The following FOXP3 variants were observed in gnomAD, a reference collection of about 807,000 sequenced individuals.
FOXP3 encodes forkhead box P3.
Under a neutral mutation model 31.2 loss-of-function variants are expected in FOXP3, and 5 were observed. The observed-to-expected ratio is 0.16, with a 90% CI of 0.08 to 0.34. The LOEUF (loss-of-function observed/expected upper bound fraction) is 0.34, where lower values mean the gene tolerates loss of function less well. Among genes scored for constraint, FOXP3 ranks in the 10% least tolerant of loss-of-function variants. The pLI is 1.00. For missense variants in FOXP3, 251 were observed against 363.0 expected (o/e 0.69, Z 2.51); for synonymous variants, 141 against 148.8 (o/e 0.95, Z 0.38).
rs1338368581 is a variant in FOXP3, at chrX:49,260,689, C to T, written c.-22-2162G>A. Among the ~76,000 whole-genome samples the T allele has an allele frequency of 2.7e-5, 3 of 112,702 alleles. No homozygotes were observed. The East Asian group carries it at 8.3e-4, about 31-fold the overall frequency. On this transcript the variant is annotated intron_variant, in intron 1 of 11. Transcript: ENST00000376207. ...CCTTTCTGACTGGGTTTCTCAGAAG[C>T]TGAATGGGGGATGTTTCTGGGACAC...
intron 10 of FOXP3, among the ~76,000 whole-genome samples, chrX:49,252,705 G>A (rs2066041937): frequency 9.1e-6 from 1 of 109,464 alleles, no homozygotes; most frequent in Non-Finnish European, 1.9e-5. Context: ...ACTGGGGTAC[G>A]TTGGGGCCAG....
chrX:49,255,217 G>T (rs1014342196), intron 8 of FOXP3, among the ~76,000 whole-genome samples: 3 of 112,545 alleles, frequency 2.7e-5, no homozygotes, highest in Non-Finnish European at 5.6e-5. Flanking sequence ...AAAGTGCTGG[G>T]ATTACAGGCG....
At position 49,251,116 on chromosome X, in the gene FOXP3, A is replaced by G. The variant is rs1280228666; in HGVS notation, c.*218T>C. 3.5e-5 allele frequency: 15 copies of G among 424,599 alleles called. No homozygotes were observed. Among genetic ancestry groups the G allele is most frequent in the African/African-American group, 6.7e-5 (2 of 29,816 alleles). 35.0% of individuals were successfully genotyped at this position (424,599 alleles called of 1,213,427 possible). A position where few individuals can be genotyped will look rare whatever the true frequency, so the allele number is the denominator to read the frequency against. ...TGGGGCGGAGGTGGGGGCTGGGGCC[A>G]GGACCGGGGCCCCTCTGAGCAGCCT... On this transcript the variant is annotated 3_prime_UTR_variant, in exon 12 of 12. Transcript: ENST00000376207.
At position 49,257,558 on chromosome X, in the gene FOXP3, G is replaced by A. The variant is rs782572328; in HGVS notation, c.323C>T (p.Thr108Met). The change falls in exon 4 of 12, where the codon ACG becomes ATG. Residue 108 changes from threonine to methionine, a missense_variant. By Grantham distance (81) the Thr-to-Met change is moderately conservative (BLOSUM62 -1). Around this residue, in one of 4 missense-constraint regions of FOXP3, gnomAD observed 152 missense variants for 188.1 expected, o/e 0.81. Transcript: ENST00000376207. ...DRPHFMHQLS[T>M]VDAHARTPVL... is the part of the protein sequence containing the mutation. Reference sequence around the variant, plus strand: ...AGGGGTCCGGGCGTGGGCATCCACCGTTGAGAGCTGGGGGGCACATGTGGG... The same window carrying A: ...AGGGGTCCGGGCGTGGGCATCCACCATTGAGAGCTGGGGGGCACATGTGGG... 56 of 1,188,125 alleles carry A rather than the reference G, an allele frequency of 4.7e-5. No individual in the cohort carries two copies. In the Middle Eastern group the frequency reaches 7.1e-4, roughly 15 times the overall value.
At chrX:49,252,084 G>A (rs1557115678) in intron 10 of FOXP3, among the ~76,000 whole-genome samples, 1 of 108,862 alleles carries the variant, frequency 9.2e-6, no homozygotes, top group Non-Finnish European at 1.9e-5. Context: ...TTGGAGTTGG[G>A]GTTCTCTGTG....
In FOXP3 at chrX:49,253,221, G is replaced by A. The variant is rs1557115810; in HGVS notation, c.968-19C>T. 5.9e-6 allele frequency: 7 copies of A among 1,185,972 alleles called. No homozygotes were observed. Among genetic ancestry groups the A allele is most frequent in the Non-Finnish European group, 8.0e-6 (7 of 874,492 alleles). On this transcript the variant is annotated intron_variant, in intron 9 of 11. Coordinates refer to ENST00000376207, the MANE Select transcript of FOXP3 (RefSeq NM_014009.4). Reference sequence around the variant, plus strand: ...AGGAACTCTGTCAGAGGGTGGGGATGAATCAAGCCCCATGCAGGACCTCCT... The same window carrying A: ...AGGAACTCTGTCAGAGGGTGGGGATAAATCAAGCCCCATGCAGGACCTCCT...
Position 49,255,484 on chromosome X carries a change from C to T in FOXP3, c.761G>A (p.Ser254Asn), listed in dbSNP as rs782071730. 9 of 1,199,759 alleles carry T rather than the reference C, an allele frequency of 7.5e-6. No homozygotes were observed. Among genetic ancestry groups the T allele is most frequent in the African/African-American group, 1.7e-5 (1 of 57,227 alleles). ...QQLVLEKEKL[S>N]AMQAHLAGKM... Reference sequence around the variant, plus strand: ...CCCAGCCAGGTGGGCCTGCATGGCACTCAGCTTCTCCTTCTCCAGCACCAG... The same window carrying T: ...CCCAGCCAGGTGGGCCTGCATGGCATTCAGCTTCTCCTTCTCCAGCACCAG... Residue 254 changes from serine (S) to asparagine (N), a missense_variant, in exon 8 of 12, where the codon AGT (serine) becomes AAT (asparagine). Physicochemically the swap from Ser to Asn is conservative, Grantham distance 46. This residue lies in a region of FOXP3 where 6 missense variants were observed against 26.0 expected (regional missense o/e 0.23). Coordinates refer to ENST00000376207, the MANE Select transcript of FOXP3 (RefSeq NM_014009.4).
At chrX:49,261,619 C>G (rs192616484) in intron 1 of FOXP3, among the ~76,000 whole-genome samples, 1 of 112,494 alleles carries the variant, frequency 8.9e-6, no homozygotes, top group African/African-American at 3.2e-5. Flanking sequence ...CTATGGAGTC[C>G]GGGGCCTCAC....
chrX:49,253,964 G>A lies in FOXP3; in HGVS notation c.920C>T (p.Ala307Val), dbSNP rs782591107. 4 of 1,211,262 alleles carry A rather than the reference G, an allele frequency of 3.3e-6. No homozygotes were observed. The highest frequency in any genetic ancestry group is 3.0e-5 in the East Asian group (1 of 33,824). ...GPREAPDSLF[A>V]VRRHLWGSHG... ...GCTACCCCACAGGTGCCTCCGGACA[G>A]CAAACAGGCTGTCAGGGGCCTCCCG... The change falls in exon 9 of 12, where the codon GCT becomes GTT. Residue 307 changes from alanine to valine, a missense_variant. Physicochemically the swap from Ala to Val is moderately conservative, Grantham distance 64 (BLOSUM62 0). This residue lies in a region of FOXP3 where 57 missense variants were observed against 60.9 expected (regional missense o/e 0.94). Coordinates refer to ENST00000376207, the MANE Select transcript of FOXP3 (RefSeq NM_014009.4).
chrX:49,259,184 G>A (rs1194133756), intron 1 of FOXP3: 1 of 524,271 alleles, frequency 1.9e-6, no homozygotes, highest in Non-Finnish European at 3.5e-6. Context: ...AAGTGACATG[G>A]GTTTTAGCTT....
At chrX:49,256,576 T>C (rs2066074946) in intron 6 of FOXP3, among the ~76,000 whole-genome samples, 175 bp downstream of exon 6, 1 of 112,373 alleles carries the variant, frequency 8.9e-6, no homozygotes. Context: ...AGCTAAGTAA[T>C]TTGTCCAAGG....
At chrX:49,259,991 C>T (rs1056595194) in intron 1 of FOXP3, among the ~76,000 whole-genome samples, 4 of 111,067 alleles carry the variant, frequency 3.6e-5, no homozygotes, top group African/African-American at 1.3e-4. Flanking sequence ...TCTTTGCTGT[C>T]ACCTCCTGGG....
intron 1 of FOXP3, among the ~76,000 whole-genome samples, chrX:49,260,602 G>A (rs1460001251): frequency 1.8e-5 from 2 of 112,414 alleles, no homozygotes; most frequent in African/African-American, 6.5e-5. Flanking sequence ...ATCTGTCTGG[G>A]GGTAGAGGAC....
At chrX:49,263,949 G>A (rs2066125834) in intron 1 of FOXP3, among the ~76,000 whole-genome samples, 1 of 112,098 alleles carries the variant, frequency 8.9e-6, no homozygotes, top group African/African-American at 3.2e-5. Context: ...TGCTACTAGG[G>A]TGAACAGAAC....
chrX:49,257,732 C>G lies in FOXP3; in HGVS notation c.247G>C (p.Gly83Arg). The G allele has an allele frequency of 8.5e-7, 1 of 1,174,952 alleles. No homozygotes were observed. Among genetic ancestry groups the G allele is most frequent in the Non-Finnish European group, 1.1e-6 (1 of 876,087 alleles). ...TLPLVMVAPS[G>R]ARLGPLPHLQ... Reference sequence around the variant, plus strand: ...TGGGGCAAGGGGCCCAGCCGTGCCCCGGAGGGTGCCACCATGACTAGGGGC... The same window carrying G: ...TGGGGCAAGGGGCCCAGCCGTGCCCGGGAGGGTGCCACCATGACTAGGGGC... Residue 83 changes from glycine to arginine, a missense_variant, in exon 3 of 12, where the codon GGG becomes CGG. By Grantham distance (125) the Gly-to-Arg change is moderately radical. This residue lies in a region of FOXP3 where 152 missense variants were observed against 188.1 expected (regional missense o/e 0.81). Transcript: ENST00000376207.
At chrX:49,254,633 C>T (rs1220387345) in intron 8 of FOXP3, among the ~76,000 whole-genome samples, 1 of 111,537 alleles carries the variant, frequency 9.0e-6, no homozygotes, top group Non-Finnish European at 1.9e-5. Context: ...GGGAAAGTCA[C>T]CTAAACCCCC....
intron 6 of FOXP3, among the ~76,000 whole-genome samples, chrX:49,256,220 A>AAGAGAGAGAGAGAGAG: frequency 1.5e-5 from 1 of 67,027 alleles, no homozygotes; most frequent in African/African-American, 8.1e-5. Context: ...GAGAGAGAGA[A>AAGAGAGAGAGAGAGAG]AGAGAGAGAG....
At chrX:49,263,918 C>T (rs2066125528) in intron 1 of FOXP3, among the ~76,000 whole-genome samples, 1 of 111,716 alleles carries the variant, frequency 9.0e-6, no homozygotes, top group Admixed American at 9.5e-5. Flanking sequence ...CTCAGCTTGC[C>T]CCGGCACCTT....
intron 8 of FOXP3, among the ~76,000 whole-genome samples, chrX:49,254,972 G>A (rs1382397730): frequency 3.9e-5 from 4 of 102,411 alleles, no homozygotes; most frequent in East Asian, 3.0e-4. Flanking sequence ...TTCTTGAGAC[G>A]GAGTCTTGAT....
Sources: gnomAD v4.1 joint callset for allele counts (sites outside exome capture counted in the v4.1 genomes callset) on GRCh38, gnomAD v4.1.1 for gene constraint, gnomAD v4.1.1 regional missense constraint, MANE v1.5 for transcripts, NCBI Gene and HGNC (gene_info 2026-07-23, HGNC 2026-07-21) for gene names.